STPG2: variants seen among roughly 807,000 people sequenced by gnomAD.
STPG2 encodes the protein sperm-tail PG-rich repeat-containing protein 2.
STPG2 carries 56 observed loss-of-function variants against 54.2 expected under a neutral mutation model. The ratio of observed to expected loss-of-function variants is 1.03; its 90% CI spans 0.83 to 1.29. The LOEUF (loss-of-function observed/expected upper bound fraction) is 1.29. Among genes scored for constraint, STPG2 ranks in the 50% most tolerant of loss-of-function variants. The probability of loss-of-function intolerance (pLI) is 0.00; values close to 1 mark genes in which losing one functional copy is unlikely to be tolerated. For synonymous variants in STPG2, 200 were observed against 181.8 expected (o/e 1.10, Z -0.81); for missense variants, 596 against 544.9 (o/e 1.09, Z -0.93).
intron 10 of STPG2, among the ~76,000 whole-genome samples, chr4:97,560,003 C>T (rs910870831): frequency 1.3e-5 from 2 of 152,140 alleles, no homozygotes; most frequent in African/African-American, 4.8e-5. Context: ...TTCTACTTAA[C>T]AGACAAATCT....
intron 9 of STPG2, among the ~76,000 whole-genome samples, chr4:97,793,465 C>A (rs879186737): frequency 1.3e-5 from 2 of 151,610 alleles, no homozygotes; most frequent in Non-Finnish European, 2.9e-5. Flanking sequence ...TGTATATTTA[C>A]ATGCACTTAC....
chr4:97,969,120 TTC>T (rs1353853624), intron 7 of STPG2, among the ~76,000 whole-genome samples: 2 of 152,190 alleles, frequency 1.3e-5, no homozygotes, highest in East Asian at 3.9e-4. Flanking sequence ...ACATACTCCC[TTC>T]TGAGAATTTC....
At chr4:97,731,869 GCTTTGTCCTTTGGCCC>G (rs1385847966) in intron 9 of STPG2, among the ~76,000 whole-genome samples, 2 of 152,180 alleles carry the variant, frequency 1.3e-5, no homozygotes, top group Non-Finnish European at 2.9e-5. Context: ...CAGACCTGCA[GCTTTGTCCTTTGGCCC>G]CTTTGTCCTC....
At chr4:97,641,399 G>C (rs1721759387) in intron 10 of STPG2, among the ~76,000 whole-genome samples, 1 of 150,470 alleles carries the variant, frequency 6.6e-6, no homozygotes, top group Non-Finnish European at 1.5e-5. Context: ...CAACATTAAT[G>C]ATACATCATA....
intron 7 of STPG2, among the ~76,000 whole-genome samples, chr4:97,947,939 C>T (rs1198186105): frequency 1.3e-5 from 2 of 151,922 alleles, no homozygotes; most frequent in East Asian, 3.9e-4. Context: ...AGGGAGGATT[C>T]CTTCTTTCTC....
chr4:97,775,412 T>C lies in STPG2; in HGVS notation c.1205-62598A>G, dbSNP rs189252441. ...AATGCTATCCCTAGAAATTAAAGTA[T>C]AATTTTAAAAAATGCAAAAATAAAT... On this transcript the variant is annotated intron_variant, in intron 9 of 10. Coordinates refer to ENST00000295268, the MANE Select transcript of STPG2 (RefSeq NM_174952.3). Among the ~76,000 whole-genome samples the C allele has an allele frequency of 2.8e-3, 427 of 152,212 alleles. 3 individuals carry two copies. Among genetic ancestry groups the C allele is most frequent in the African/African-American group, 9.4e-3 (391 of 41,536 alleles).
chr4:97,834,453 C>T (rs1728572332), intron 9 of STPG2, among the ~76,000 whole-genome samples: 1 of 151,996 alleles, frequency 6.6e-6, no homozygotes, highest in African/African-American at 2.4e-5. Context: ...CACAAGTATA[C>T]CTATGTAACA....
At chr4:97,527,009 T>A (rs925847240) in intron 4 of STPG2, among the ~76,000 whole-genome samples, 24 of 152,034 alleles carry the variant, frequency 1.6e-4, no homozygotes, top group Non-Finnish European at 2.9e-5. Context: ...AGCTTTTTTT[T>A]TTTTTAATAC....
At chr4:97,786,926 T>A (rs1290744303) in intron 9 of STPG2, among the ~76,000 whole-genome samples, 1 of 152,136 alleles carries the variant, frequency 6.6e-6, no homozygotes, top group African/African-American at 2.4e-5. Context: ...TATATAGGTA[T>A]GTATCTATAG....
intron 8 of STPG2, among the ~76,000 whole-genome samples, chr4:97,854,802 G>A (rs1729279509): frequency 6.6e-6 from 1 of 152,044 alleles, no homozygotes; most frequent in Non-Finnish European, 1.5e-5. Flanking sequence ...TGTTACATAG[G>A]TAAACAAGTG....
At chr4:97,511,266 A>G (rs1730966309) in intron 4 of STPG2, among the ~76,000 whole-genome samples, 1 of 152,008 alleles carries the variant, frequency 6.6e-6, no homozygotes, top group Non-Finnish European at 1.5e-5. Context: ...AAGAACAGAA[A>G]AAACTGTACT....
intron 3 of STPG2, among the ~76,000 whole-genome samples, chr4:98,118,854 T>A (rs944588510): frequency 3.3e-5 from 5 of 152,192 alleles, no homozygotes; most frequent in African/African-American, 1.2e-4. Flanking sequence ...AAATCTGGAA[T>A]CACTAATGCC....
chr4:97,458,048 G>A (rs1486778655), intron 4 of STPG2, among the ~76,000 whole-genome samples: 1 of 152,170 alleles, frequency 6.6e-6, no homozygotes, highest in Non-Finnish European at 1.5e-5. Context: ...TCATGTGCAA[G>A]TGGGAGAAGT....
intron 5 of STPG2, among the ~76,000 whole-genome samples, chr4:98,015,095 A>C (rs568926996): frequency 6.6e-6 from 1 of 152,342 alleles, no homozygotes; most frequent in Non-Finnish European, 1.5e-5. Context: ...ACCTAAAAGC[A>C]TAAAAACCCA....
At chr4:97,987,837 C>A (rs1219904824) in intron 5 of STPG2, among the ~76,000 whole-genome samples, 1 of 151,984 alleles carries the variant, frequency 6.6e-6, no homozygotes, top group African/African-American at 2.4e-5. Flanking sequence ...CCATCTCTTA[C>A]CTGAATTATT....
chr4:97,647,174 C>T (rs1442704780), intron 10 of STPG2, among the ~76,000 whole-genome samples: 2 of 152,176 alleles, frequency 1.3e-5, no homozygotes, highest in South Asian at 2.1e-4. Flanking sequence ...AGCATAAATG[C>T]TTGTTGGGAG....
At chr4:97,880,698 G>A (rs1335254866) in intron 8 of STPG2, among the ~76,000 whole-genome samples, 4 of 152,048 alleles carry the variant, frequency 2.6e-5, no homozygotes, top group African/African-American at 7.2e-5. Flanking sequence ...ACCCACTTCA[G>A]CTAAAGAACA....
At chr4:97,796,854 G>T (rs1260692512) in intron 9 of STPG2, among the ~76,000 whole-genome samples, 2 of 152,010 alleles carry the variant, frequency 1.3e-5, no homozygotes, top group East Asian at 3.9e-4. Context: ...ATTTGTTTAT[G>T]TCCTCTTTTA....
intron 5 of STPG2, among the ~76,000 whole-genome samples, chr4:98,055,012 A>C (rs1737438196): frequency 6.6e-6 from 1 of 152,010 alleles, no homozygotes; most frequent in East Asian, 1.9e-4. Context: ...CAGCTAGGGC[A>C]CTCCTACTGG....
Sources: allele counts gnomAD v4.1 joint callset (sites outside exome capture counted in the v4.1 genomes callset), GRCh38; gene constraint gnomAD v4.1.1; transcripts MANE v1.5; gene names NCBI Gene and HGNC (gene_info 2026-07-23, HGNC 2026-07-21).